Variants in CAPN2 observed in about 807,000 individuals in gnomAD.
CAPN2 encodes calpain 2.
CAPN2 carries 92 observed loss-of-function variants against 102.3 expected under a neutral mutation model. The ratio of observed to expected loss-of-function variants is 0.90; its 90% CI spans 0.76 to 1.07. The LOEUF (loss-of-function observed/expected upper bound fraction) is 1.07, where lower values mean the gene tolerates loss of function less well. CAPN2 is among the 50% of genes least tolerant of loss of function. The pLI, the probability that CAPN2 is intolerant of heterozygous loss-of-function variation, is 0.00. For synonymous variants in CAPN2, 340 were observed against 355.4 expected (o/e 0.96, Z 0.49); for missense variants, 800 against 909.4 (o/e 0.88, Z 1.55).
Position 223,772,239 on chromosome 1 carries a change from T to C in CAPN2, c.2079T>C (p.Ser693=). Residue 693 remains serine (S), a splice_region_variant and synonymous_variant, in exon 20 of 21, where the codon TCT becomes TCC. Coordinates refer to ENST00000295006, the MANE Select transcript of CAPN2 (RefSeq NM_001748.5). ...GAACAATAGAGCTCGACCTTATCTC[T>C]GTGAGTCAGCAGGCCCCGCCTTGCT... is the stretch of plus-strand genomic sequence containing the variant. The part of the protein sequence containing the change: ...NTGTIELDLI[S]WLCFSVL The C allele has an allele frequency of 1.2e-6, 2 of 1,612,268 alleles. No individual in the cohort carries two copies. Among genetic ancestry groups the C allele is most frequent in the Non-Finnish European group, 1.7e-6 (2 of 1,178,404 alleles).
chr1:223,740,685 A>G (rs537586085), intron 2 of CAPN2, among the ~76,000 whole-genome samples: 2 of 152,362 alleles, frequency 1.3e-5, no homozygotes, highest in East Asian at 3.9e-4. Flanking sequence ...CATAAAGTAC[A>G]TTGATTTCTT....
intron 2 of CAPN2, among the ~76,000 whole-genome samples, chr1:223,732,870 G>A (rs1660367811): frequency 6.6e-6 from 1 of 152,098 alleles, no homozygotes; most frequent in African/African-American, 2.4e-5. Context: ...CCAGTTTTGG[G>A]GGTCTTATCT....
At chr1:223,706,632 C>G (rs1310332010) in intron 1 of CAPN2, among the ~76,000 whole-genome samples, 1 of 152,134 alleles carries the variant, frequency 6.6e-6, no homozygotes, top group Non-Finnish European at 1.5e-5. Flanking sequence ...TGCTGGGCCT[C>G]TGTTTACTCA....
At chr1:223,741,789 T>C (rs1313746466) in intron 2 of CAPN2, among the ~76,000 whole-genome samples, 2 of 151,754 alleles carry the variant, frequency 1.3e-5, no homozygotes, top group Admixed American at 6.6e-5. Flanking sequence ...TCTTTTCTTT[T>C]TGGGGGGCAC....
At chr1:223,774,771 C>A in intron 20 of CAPN2, 63 bp from the exon 21 acceptor site, 1 of 1,489,042 alleles carries the variant, frequency 6.7e-7, no homozygotes, top group Non-Finnish European at 9.4e-7. Context: ...TCTACAGGTA[C>A]TTAAATAGCC....
rs28370099 is a variant in CAPN2, at chr1:223,756,572, C to T, written c.1306-797C>T. Among the ~76,000 whole-genome samples, 2,172 of 152,258 alleles carry T rather than the reference C, an allele frequency of 0.014. 66 individuals carry two copies. Among genetic ancestry groups the T allele is most frequent in the African/African-American group, 0.049 (2,052 of 41,542 alleles). On this transcript the variant is annotated intron_variant, in intron 10 of 20. Transcript: ENST00000295006. The surrounding 1 kb of genome is among the most constrained non-coding windows in gnomAD (Gnocchi z 4.1). ...TCCACCCTCTCCCAAGAGCCAGTTT[C>T]CCAGCACACCCCTGGGAGAATCCAG...
chr1:223,735,268 A>G (rs755610492), intron 2 of CAPN2, among the ~76,000 whole-genome samples: 1 of 152,172 alleles, frequency 6.6e-6, no homozygotes, highest in Non-Finnish European at 1.5e-5. Context: ...TGGCTCATGC[A>G]TGTAATCCCA....
chr1:223,724,560 T>C (rs1457248789), intron 2 of CAPN2, among the ~76,000 whole-genome samples: 1 of 152,232 alleles, frequency 6.6e-6, no homozygotes, highest in Non-Finnish European at 1.5e-5. Context: ...TAGCCACATG[T>C]TCCTTGTGGC....
chr1:223,767,513 A>G (rs1388485782), intron 16 of CAPN2, among the ~76,000 whole-genome samples: 6 of 151,064 alleles, frequency 4.0e-5, no homozygotes, highest in East Asian at 3.9e-4. Context: ...TACAAAGGAC[A>G]TGAACTCATC....
At chr1:223,748,508 A>G (rs1481088152) in intron 5 of CAPN2, among the ~76,000 whole-genome samples, 1 of 152,244 alleles carries the variant, frequency 6.6e-6, no homozygotes, top group East Asian at 1.9e-4. Flanking sequence ...TCTGACTCAG[A>G]CCGGAATAAA....
At chr1:223,724,460 G>A (rs1660138640) in intron 2 of CAPN2, among the ~76,000 whole-genome samples, 1 of 152,222 alleles carries the variant, frequency 6.6e-6, no homozygotes, top group Non-Finnish European at 1.5e-5. Context: ...CCAAACAGCA[G>A]CACTAGCCCT....
intron 2 of CAPN2, among the ~76,000 whole-genome samples, chr1:223,738,331 T>A (rs557893931): frequency 2.6e-5 from 4 of 152,134 alleles, no homozygotes; most frequent in East Asian, 1.9e-4. Flanking sequence ...GCTAATTTTT[T>A]AAAAATAATT....
chr1:223,757,404 G>A, intron 11 of CAPN2, 24 bp downstream of exon 11: 7 of 1,614,020 alleles, frequency 4.3e-6, no homozygotes, highest in East Asian at 2.2e-5. Flanking sequence ...ATGTCCCGGG[G>A]TGCTCAGGTC....
chr1:223,708,944 C>T (rs1659673252), upstream of CAPN2, among the ~76,000 whole-genome samples: 1 of 152,118 alleles, frequency 6.6e-6, no homozygotes, highest in Non-Finnish European at 1.5e-5. Flanking sequence ...TTCAGAGAAT[C>T]TGCAAGCAGC....
chr1:223,714,504 C>G lies in CAPN2; in HGVS notation c.237+1627C>G, dbSNP rs1659825052. On this transcript the variant is annotated intron_variant, in intron 1 of 20. Coordinates refer to ENST00000295006, the MANE Select transcript of CAPN2 (RefSeq NM_001748.5). ...TTGTGAAAGTGATACGCTGACCTGACTCAGTGCCTCACACCTGTAATCCCA... is the reference window on the plus strand; with the variant it reads ...TTGTGAAAGTGATACGCTGACCTGAGTCAGTGCCTCACACCTGTAATCCCA... 2.0e-5 allele frequency among the ~76,000 whole-genome samples: 3 copies of G among 151,904 alleles called. No individual in the cohort carries two copies. The South Asian group carries it at 6.2e-4, about 31-fold the overall frequency.
At chr1:223,703,314 T>G (rs1057257923) in intron 1 of CAPN2, among the ~76,000 whole-genome samples, 1 of 88,888 alleles carries the variant, frequency 1.1e-5, no homozygotes, top group African/African-American at 5.5e-5. Flanking sequence ...AAGCATTTGA[T>G]TTTTTTTTTT....
intron 1 of CAPN2, among the ~76,000 whole-genome samples, chr1:223,715,881 T>C (rs1659862228): frequency 6.6e-6 from 1 of 152,194 alleles, no homozygotes; most frequent in Non-Finnish European, 1.5e-5. Context: ...TAATAATAGA[T>C]CACATTTATG....
intron 2 of CAPN2, among the ~76,000 whole-genome samples, chr1:223,740,363 C>G (rs186565642): frequency 2.0e-5 from 3 of 152,204 alleles, no homozygotes; most frequent in South Asian, 2.1e-4. Context: ...AGTTTTGCCA[C>G]GAGAGTACAC....
chr1:223,772,379 G>T (rs763603125), intron 20 of CAPN2, 140 bp downstream of exon 20: 3 of 643,086 alleles, frequency 4.7e-6, no homozygotes, highest in East Asian at 2.7e-5. Flanking sequence ...GTAACCGGTT[G>T]TAAGATCCCA....
Sources: allele counts gnomAD v4.1 joint callset (sites outside exome capture counted in the v4.1 genomes callset), GRCh38; gene constraint gnomAD v4.1.1; non-coding constraint Gnocchi (gnomAD v3.1); transcripts MANE v1.5; gene names NCBI Gene and HGNC (gene_info 2026-07-23, HGNC 2026-07-21).